Variants in LEPR observed in about 807,000 individuals in gnomAD.
LEPR encodes the protein OB receptor.
In LEPR, 56 loss-of-function variants were observed where a neutral mutation model predicts 114.7. The observed-to-expected ratio is 0.49, with a 90% CI of 0.39 to 0.61. LEPR has a LOEUF of 0.61. Among genes scored for constraint, LEPR ranks in the 20% least tolerant of loss-of-function variants. LEPR has a pLI of 0.00. For missense variants in LEPR, 1,202 were observed against 1,352.9 expected (o/e 0.89, Z 1.75); for synonymous variants, 443 against 461.4 (o/e 0.96, Z 0.51).
At chr1:65,455,694 AC>A in intron 2 of LEPR, among the ~76,000 whole-genome samples, 1 of 152,300 alleles carries the variant, frequency 6.6e-6, no homozygotes, top group African/African-American at 2.4e-5. Context: ...AAGCTGTCAG[AC>A]AGGGACATTT....
In LEPR at chr1:65,558,468, C is replaced by G. The variant is rs1463778293; in HGVS notation, c.-20-7078C>G. On this transcript the variant is annotated intron_variant, in intron 2 of 19. Transcript: ENST00000349533. The stretch of plus-strand genomic sequence containing the variant: ...TCTCACTTATCATATGGTGCCAATT[C>G]TCAGATATGAGTCATGAGACATGTT... Among the ~76,000 whole-genome samples the G allele has an allele frequency of 6.2e-5, 8 of 128,450 alleles. No individual in the cohort carries two copies. In the Admixed American group the frequency reaches 7.9e-4, roughly 13 times the overall value. The allele number at this position is 128,450 out of a possible 152,430, so 84.3% of individuals were successfully genotyped here.
intron 2 of LEPR, chr1:65,432,031 T>G (rs1646492402): frequency 7.0e-7 from 1 of 1,438,010 alleles, no homozygotes; most frequent in African/African-American, 1.4e-5. Context: ...TTTTAATACC[T>G]TTATATATCA....
At chr1:65,482,492 AC>A (rs1247311478) in intron 2 of LEPR, among the ~76,000 whole-genome samples, 22 of 152,194 alleles carry the variant, frequency 1.4e-4, no homozygotes. Flanking sequence ...TGAGTGAGTG[AC>A]TGGTATGAGG....
chr1:65,466,025 A>G (rs1647007474), intron 2 of LEPR, among the ~76,000 whole-genome samples: 1 of 152,136 alleles, frequency 6.6e-6, no homozygotes, highest in South Asian at 2.1e-4. Flanking sequence ...GCCCATTTAC[A>G]TTTAAGGTTA....
intron 10 of LEPR, among the ~76,000 whole-genome samples, chr1:65,603,810 C>T (rs758644790): frequency 4.0e-5 from 6 of 151,534 alleles, no homozygotes; most frequent in Non-Finnish European, 7.4e-5. Flanking sequence ...GACACCCCTG[C>T]TTTATGGGTT....
chr1:65,542,374 T>C (rs1472981265), intron 2 of LEPR, among the ~76,000 whole-genome samples: 1 of 152,126 alleles, frequency 6.6e-6, no homozygotes, highest in African/African-American at 2.4e-5. Flanking sequence ...TCAACAACTA[T>C]TTATGAGTAC....
At chr1:65,436,683 G>T (rs1235714002) in intron 2 of LEPR, among the ~76,000 whole-genome samples, 1 of 152,194 alleles carries the variant, frequency 6.6e-6, no homozygotes, top group Admixed American at 6.5e-5. Context: ...TGCTCATTTG[G>T]AGAAGAGCAC....
chr1:65,637,169 T>G lies in LEPR; in HGVS notation c.*154T>G. ...GTCTGTTTGTTCTCTCTTAGTAACA[T>G]AGACAAAAAATTTGAGAAAGCCTTC... On this transcript the variant is annotated 3_prime_UTR_variant, in exon 20 of 20. Transcript: ENST00000349533. 1.2e-6 allele frequency: 1 copy of G among 859,686 alleles called. No individual in the cohort carries two copies. The highest frequency in any genetic ancestry group is 2.7e-5 in the East Asian group (1 of 36,840). 53.3% of individuals were successfully genotyped at this position (859,686 alleles called of 1,614,324 possible).
At chr1:65,544,545 T>C (rs1376020762) in intron 2 of LEPR, among the ~76,000 whole-genome samples, 1 of 151,978 alleles carries the variant, frequency 6.6e-6, no homozygotes, top group Non-Finnish European at 1.5e-5. Flanking sequence ...TGCTTCCAGC[T>C]TTTGCCCATT....
intron 3 of LEPR, among the ~76,000 whole-genome samples, chr1:65,570,046 CT>C (rs1218713412): frequency 6.6e-6 from 1 of 152,044 alleles, no homozygotes; most frequent in Non-Finnish European, 1.5e-5. Context: ...TAAAATAGCA[CT>C]TTAATGTTTG....
intron 2 of LEPR, chr1:65,432,572 A>G: frequency 1.0e-6 from 1 of 979,680 alleles, no homozygotes; most frequent in Non-Finnish European, 1.2e-6. Flanking sequence ...TGTTTAAAAA[A>G]AAAAAAAAAG....
chr1:65,423,020 C>G (rs1440340923), intron 1 of LEPR, among the ~76,000 whole-genome samples: 1 of 152,150 alleles, frequency 6.6e-6, no homozygotes, highest in Non-Finnish European at 1.5e-5. Context: ...GTCACCTTGA[C>G]CTACTGATTC....
chr1:65,637,948 G>GTTCA lies in LEPR; in HGVS notation c.*933_*934insTTCA. The GTTCA allele has an allele frequency of 6.6e-6, 1 of 152,150 alleles. No individual in the cohort carries two copies. Among genetic ancestry groups the GTTCA allele is most frequent in the East Asian group, 1.9e-4 (1 of 5,188 alleles). The allele number at this position is 152,150 out of a possible 1,614,324, so 9.4% of individuals were successfully genotyped here. On this transcript the variant is annotated 3_prime_UTR_variant, in exon 20 of 20. Coordinates refer to ENST00000349533, the MANE Select transcript of LEPR (RefSeq NM_002303.6). ...CCCACAGTTACAGTCAGTGGGTGAT[G>GTTCA]GAATCAGAGTTCAGATTTAAATCCA...
chr1:65,613,709 C>T (rs1379793181), intron 14 of LEPR, among the ~76,000 whole-genome samples: 3 of 56,188 alleles, frequency 5.3e-5, no homozygotes, highest in African/African-American at 8.0e-5. Context: ...GCCGAGATTG[C>T]GCCATTGCAG....
intron 2 of LEPR, among the ~76,000 whole-genome samples, chr1:65,519,011 T>C (rs370909654): frequency 6.8e-6 from 1 of 147,788 alleles, no homozygotes; most frequent in Non-Finnish European, 1.5e-5. Flanking sequence ...TCTTCTTTCT[T>C]TCTCTTTCTT....
At chr1:65,567,688 G>A (rs1653867464) in intron 3 of LEPR, among the ~76,000 whole-genome samples, 2 of 151,956 alleles carry the variant, frequency 1.3e-5, no homozygotes, top group Admixed American at 1.3e-4. Context: ...AATTGCTTTT[G>A]TAATGAAAAA....
chr1:65,605,012 A>G lies in LEPR; in HGVS notation c.1404-26A>G, dbSNP rs781219402. 1.2e-5 allele frequency: 19 copies of G among 1,608,300 alleles called. No individual in the cohort carries two copies. In the African/African-American group the frequency reaches 2.1e-4, roughly 18 times the overall value. ...TTGTTGCTTTTATTAATGTATACTA[A>G]TTGACTATTTTTGTATCTTTTAAAG... is the stretch of plus-strand genomic sequence containing the variant. On this transcript the variant is annotated intron_variant, in intron 10 of 19. Transcript: ENST00000349533.
At chr1:65,552,106 G>A (rs1652422953) in intron 2 of LEPR, among the ~76,000 whole-genome samples, 1 of 152,274 alleles carries the variant, frequency 6.6e-6, no homozygotes, top group African/African-American at 2.4e-5. Context: ...TGCATTTGCT[G>A]AGGAGTGTTT....
intron 2 of LEPR, among the ~76,000 whole-genome samples, chr1:65,549,711 T>C (rs2767481): frequency 0.73 from 109,340 of 149,562 alleles, 41,076 homozygotes; most frequent in Middle Eastern, 0.89. Flanking sequence ...GTTATACATT[T>C]GTCTAAATTT....
Sources: allele counts gnomAD v4.1 joint callset (sites outside exome capture counted in the v4.1 genomes callset), GRCh38; gene constraint gnomAD v4.1.1; transcripts MANE v1.5; gene names NCBI Gene and HGNC (gene_info 2026-07-23, HGNC 2026-07-21).